Variants in PREP observed in about 807,000 individuals in gnomAD.
PREP encodes prolyl endopeptidase.
Under a neutral mutation model 87.6 loss-of-function variants are expected in PREP, and 29 were observed. The ratio of observed to expected loss-of-function variants is 0.33; its 90% CI spans 0.25 to 0.45. PREP has a LOEUF of 0.45. Among genes scored for constraint, PREP ranks in the 20% least tolerant of loss-of-function variants. The pLI is 1.00. For synonymous variants in PREP, 337 were observed against 328.6 expected, an observed-to-expected ratio of 1.03 and a Z score of -0.28; for missense variants, 695 against 886.5, an observed-to-expected ratio of 0.78 and a Z score of 2.74.
chr6:105,320,212 A>C (rs933706604), intron 10 of PREP, among the ~76,000 whole-genome samples: 6 of 152,242 alleles, frequency 3.9e-5, no homozygotes, highest in Non-Finnish European at 7.3e-5. Flanking sequence ...AAAAAGATGA[A>C]TCAATTGCAG....
At chr6:105,301,628 A>C (rs980277387) in intron 10 of PREP, among the ~76,000 whole-genome samples, 3 of 152,226 alleles carry the variant, frequency 2.0e-5, no homozygotes, top group Admixed American at 1.3e-4. Flanking sequence ...ATACAGAAGG[A>C]AAGTCTATTC....
intron 7 of PREP, among the ~76,000 whole-genome samples, chr6:105,338,659 G>A (rs570608433): frequency 5.3e-5 from 8 of 152,168 alleles, no homozygotes; most frequent in South Asian, 2.1e-4. Context: ...CGTGACAGAC[G>A]GTACCTGGAA....
intron 7 of PREP, among the ~76,000 whole-genome samples, chr6:105,335,231 T>C (rs928461167): frequency 6.6e-6 from 1 of 152,226 alleles, no homozygotes; most frequent in East Asian, 1.9e-4. Context: ...AAAAGTTCTA[T>C]AAACAAAAAA....
intron 6 of PREP, among the ~76,000 whole-genome samples, chr6:105,359,894 C>T (rs1443372551): frequency 5.3e-5 from 8 of 152,160 alleles, no homozygotes; most frequent in East Asian, 1.9e-4. Context: ...CCCTCTGCTG[C>T]GATCGTTCGT....
At chr6:105,324,904 T>C (rs1357168602) in intron 9 of PREP, among the ~76,000 whole-genome samples, 1 of 152,210 alleles carries the variant, frequency 6.6e-6, no homozygotes, top group Non-Finnish European at 1.5e-5. Context: ...GTTTTAAGGT[T>C]ACCATAACAG....
chr6:105,332,060 C>T (rs1379010555), intron 8 of PREP, among the ~76,000 whole-genome samples: 2 of 152,126 alleles, frequency 1.3e-5, no homozygotes, highest in African/African-American at 4.8e-5. Context: ...GAATTTCAAG[C>T]AGGCATGCAG....
intron 7 of PREP, among the ~76,000 whole-genome samples, chr6:105,348,474 A>C (rs1771856729): frequency 6.6e-6 from 1 of 152,186 alleles, no homozygotes; most frequent in Admixed American, 6.5e-5. Flanking sequence ...AACATCTCTA[A>C]TCTCATGCAG....
chr6:105,378,920 G>C (rs1259696162), intron 2 of PREP, among the ~76,000 whole-genome samples: 1 of 152,180 alleles, frequency 6.6e-6, no homozygotes, highest in African/African-American at 2.4e-5. Context: ...GTGCAACAAT[G>C]CTTTGGGTTC....
chr6:105,329,909 T>G (rs575675690), intron 8 of PREP, among the ~76,000 whole-genome samples: 1 of 151,700 alleles, frequency 6.6e-6, no homozygotes, highest in South Asian at 2.1e-4. Flanking sequence ...AGTGTGGAGA[T>G]GGAGGGGAAA....
intron 8 of PREP, among the ~76,000 whole-genome samples, chr6:105,331,772 C>T (rs1000909840): frequency 6.6e-6 from 1 of 152,148 alleles, no homozygotes; most frequent in Non-Finnish European, 1.5e-5. Context: ...GTGGGTCCCT[C>T]GTCCAAATAT....
At chr6:105,398,446 G>A (rs996005808) in intron 1 of PREP, among the ~76,000 whole-genome samples, 1 of 152,136 alleles carries the variant, frequency 6.6e-6, no homozygotes, top group African/African-American at 2.4e-5. Flanking sequence ...GTAGTATAAT[G>A]ATTCTAATTG....
In PREP at chr6:105,332,784, C is replaced by T. The variant is rs764180020; in HGVS notation, c.1015+530G>A. Among the ~76,000 whole-genome samples, 3 of 152,150 alleles carry T rather than the reference C, an allele frequency of 2.0e-5. No homozygotes were observed. The South Asian group carries it at 6.2e-4, about 32-fold the overall frequency. The stretch of plus-strand genomic sequence containing the variant: ...GGCTCTCTGTGAAACACGACTGATA[C>T]GGAAGTGACGTTCTCAAGAGGTTAA... On this transcript the variant is annotated intron_variant, in intron 8 of 14. Coordinates refer to ENST00000652536, the MANE Select transcript of PREP (RefSeq NM_002726.5).
chr6:105,365,704 C>A (rs535163448), intron 6 of PREP, among the ~76,000 whole-genome samples: 5 of 152,262 alleles, frequency 3.3e-5, no homozygotes, highest in African/African-American at 1.2e-4. Flanking sequence ...GGGATGACAC[C>A]AGTCACAACA....
intron 2 of PREP, among the ~76,000 whole-genome samples, chr6:105,394,361 A>C (rs1773235530): frequency 6.6e-6 from 1 of 152,198 alleles, no homozygotes; most frequent in Admixed American, 6.5e-5. Flanking sequence ...ACCTGAACCG[A>C]AATTTGGTAG....
intron 7 of PREP, among the ~76,000 whole-genome samples, chr6:105,343,189 A>T (rs1304353582): frequency 6.6e-6 from 1 of 150,754 alleles, no homozygotes; most frequent in South Asian, 2.1e-4. Context: ...ATATAGACCA[A>T]TGGAACAGAA....
rs1444242997 is a variant in PREP, at chr6:105,276,335, G to A, written c.*1809C>T. Among the ~76,000 whole-genome samples, 1 of 151,176 alleles carries A rather than the reference G, an allele frequency of 6.6e-6. No individual in the cohort carries two copies. The highest frequency in any genetic ancestry group is 1.5e-5 in the Non-Finnish European group (1 of 68,024). On this transcript the variant is annotated 3_prime_UTR_variant, in exon 15 of 15. Coordinates refer to ENST00000652536, the MANE Select transcript of PREP (RefSeq NM_002726.5). ...GGATTTGAACCCAGTCCTGATATCTGAAGCTCACACACTACACACTGTATT... is the reference window on the plus strand; with the variant it reads ...GGATTTGAACCCAGTCCTGATATCTAAAGCTCACACACTACACACTGTATT...
intron 8 of PREP, among the ~76,000 whole-genome samples, chr6:105,330,015 G>A (rs1311789245): frequency 6.6e-6 from 1 of 152,166 alleles, no homozygotes; most frequent in Non-Finnish European, 1.5e-5. Context: ...ATGAGGAGAG[G>A]GGAAAGGAAT....
At chr6:105,362,043 C>T (rs929499621) in intron 6 of PREP, among the ~76,000 whole-genome samples, 1 of 152,152 alleles carries the variant, frequency 6.6e-6, no homozygotes, top group African/African-American at 2.4e-5. Flanking sequence ...ACTGATAAAA[C>T]AGAAAATTCT....
At chr6:105,315,976 C>A (rs1239061891) in intron 10 of PREP, among the ~76,000 whole-genome samples, 1 of 152,212 alleles carries the variant, frequency 6.6e-6, no homozygotes, top group African/African-American at 2.4e-5. Flanking sequence ...TCTATCCAGA[C>A]CACTCAAACT....
Sources: allele counts gnomAD v4.1 joint callset (sites outside exome capture counted in the v4.1 genomes callset), GRCh38; gene constraint gnomAD v4.1.1; transcripts MANE v1.5; gene names NCBI Gene and HGNC (gene_info 2026-07-23, HGNC 2026-07-21).